The following CAVIN2 variants were observed in gnomAD, a reference collection of about 807,000 sequenced individuals.
The protein encoded by CAVIN2 is caveolae associated protein 2.
In CAVIN2, 13 loss-of-function variants were observed where a neutral mutation model predicts 11.7. The ratio of observed to expected loss-of-function variants is 1.11; its 90% CI spans 0.72 to 1.77. The LOEUF is 1.77. CAVIN2 is among the 40% of genes most tolerant of loss of function. CAVIN2 has a pLI of 0.00. For missense variants in CAVIN2, 549 were observed against 542.9 expected, an observed-to-expected ratio of 1.01 and a Z score of -0.11; for synonymous variants, 237 against 223.2, an observed-to-expected ratio of 1.06 and a Z score of -0.55.
rs760433888 is a variant in CAVIN2, at chr2:191,846,906, T to C, written c.20A>G (p.Gln7Arg). 2 of 1,611,208 alleles carry C rather than the reference T, an allele frequency of 1.2e-6. No homozygotes were observed. The highest frequency in any genetic ancestry group is 1.7e-5 in the Admixed American group (1 of 59,784). MGEDAA[Q>R]AEKFQHPGSD... is the part of the protein sequence containing the mutation. ...CCCAGGGTGCTGGAACTTTTCGGCC[T>C]GTGCAGCGTCCTCTCCCATGGCTAG... Residue 7 changes from glutamine to arginine, a missense_variant, in exon 1 of 2, where the codon CAG becomes CGG. Gln to Arg is a conservative substitution (Grantham distance 43, BLOSUM62 1). Coordinates refer to ENST00000304141, the MANE Select transcript of CAVIN2 (RefSeq NM_004657.6).
chr2:191,837,445 C>G (rs1479187567), intron 1 of CAVIN2, among the ~76,000 whole-genome samples: 2 of 152,158 alleles, frequency 1.3e-5, no homozygotes, highest in Admixed American at 6.5e-5. Context: ...GGAAATTATG[C>G]TGCCAGCCAT....
chr2:191,844,841 G>A (rs948524471), intron 1 of CAVIN2, among the ~76,000 whole-genome samples: 2 of 152,034 alleles, frequency 1.3e-5, no homozygotes, highest in South Asian at 2.1e-4. Flanking sequence ...CAATCCTGAC[G>A]AATTGTGACT....
At chr2:191,842,461 A>G (rs1690107905) in intron 1 of CAVIN2, among the ~76,000 whole-genome samples, 1 of 152,230 alleles carries the variant, frequency 6.6e-6, no homozygotes, top group Non-Finnish European at 1.5e-5. Context: ...AAATTTCCTC[A>G]TAAGTGTAGA....
Position 191,836,352 on chromosome 2 carries a change from G to C in CAVIN2, c.849C>G (p.Ser283=). The C allele has an allele frequency of 1.2e-6, 2 of 1,614,108 alleles. No individual in the cohort carries two copies. The highest frequency in any genetic ancestry group is 1.7e-6 in the Non-Finnish European group (2 of 1,180,042). Residue 283 remains serine (S), a synonymous_variant, in exon 2 of 2, where the codon TCC becomes TCG. Transcript: ENST00000304141. ...KSLTSNHQKI[S]SGKSSPFKVS... ...CCTTGAAGGGGGAGCTTTTTCCTGAGGATATTTTCTGGTGATTTGACGTGA... is the reference window on the plus strand; with the variant it reads ...CCTTGAAGGGGGAGCTTTTTCCTGACGATATTTTCTGGTGATTTGACGTGA...
In CAVIN2 at chr2:191,842,278, G is replaced by A. The variant is rs1690105334; in HGVS notation, c.483+4165C>T. The stretch of plus-strand genomic sequence containing the variant: ...TTTTCACCCAGTTTCCCAATTTTAT[G>A]TGGACGAAAGTGTAAGCTGTCCAAG... On this transcript the variant is annotated intron_variant, in intron 1 of 1. Coordinates refer to ENST00000304141, the MANE Select transcript of CAVIN2 (RefSeq NM_004657.6). 3.3e-5 allele frequency among the ~76,000 whole-genome samples: 5 copies of A among 152,178 alleles called. No individual in the cohort carries two copies. In the South Asian group the frequency reaches 1.0e-3, roughly 31 times the overall value.
At chr2:191,846,264 C>T (rs1690163745) in intron 1 of CAVIN2, among the ~76,000 whole-genome samples, 179 bp downstream of exon 1, 1 of 152,230 alleles carries the variant, frequency 6.6e-6, no homozygotes, top group Non-Finnish European at 1.5e-5. Flanking sequence ...TGGGAAATTC[C>T]CACCCCTGTG....
At chr2:191,843,183 C>G (rs1344578045) in intron 1 of CAVIN2, among the ~76,000 whole-genome samples, 1 of 151,254 alleles carries the variant, frequency 6.6e-6, no homozygotes, top group African/African-American at 2.4e-5. Flanking sequence ...GACTCCGTCT[C>G]AAAGAAAAAA....
At chr2:191,843,933 G>A (rs1050042295) in intron 1 of CAVIN2, among the ~76,000 whole-genome samples, 9 of 152,170 alleles carry the variant, frequency 5.9e-5, no homozygotes, top group African/African-American at 2.2e-4. Flanking sequence ...TTAAACATGA[G>A]TTTGAATCCC....
rs990267231 is a variant in CAVIN2 at position 191,846,721 on chromosome 2, G to C, written c.205C>G (p.Leu69Val). The C allele has an allele frequency of 8.7e-6, 14 of 1,614,070 alleles. No individual in the cohort carries two copies. Among genetic ancestry groups the C allele is most frequent in the Non-Finnish European group, 1.2e-5 (14 of 1,180,040 alleles). Residue 69 changes from leucine (L) to valine (V), a missense_variant, in exon 1 of 2, where the codon CTA (leucine) becomes GTA (valine). Leu to Val is a conservative substitution (Grantham distance 32, BLOSUM62 1). Transcript: ENST00000304141. ...TGCTGGTTCTCCTGCACAGCGTCTAGCATGTTCACCAGCTTGTCCAGGAGC... is the reference window on the plus strand; with the variant it reads ...TGCTGGTTCTCCTGCACAGCGTCTACCATGTTCACCAGCTTGTCCAGGAGC... ...LTLLDKLVNM[L>V]DAVQENQHKM... is the part of the protein sequence containing the mutation.
intron 1 of CAVIN2, among the ~76,000 whole-genome samples, chr2:191,840,846 T>C (rs1235181138): frequency 6.6e-6 from 1 of 152,208 alleles, no homozygotes; most frequent in Admixed American, 6.5e-5. Context: ...TGTCACTAAC[T>C]CATCATTCCT....
intron 1 of CAVIN2, among the ~76,000 whole-genome samples, chr2:191,837,901 A>C (rs1046428700): frequency 5.3e-5 from 8 of 152,218 alleles, no homozygotes; most frequent in Non-Finnish European, 7.3e-5. Context: ...CTTTCAGCAA[A>C]TAACTTAATC....
intron 1 of CAVIN2, among the ~76,000 whole-genome samples, chr2:191,841,030 T>C (rs1690085284): frequency 6.6e-6 from 1 of 152,202 alleles, no homozygotes; most frequent in African/African-American, 2.4e-5. Flanking sequence ...ATAGGTCTCT[T>C]TTACACATTG....
At chr2:191,837,370 A>G (rs1690038862) in intron 1 of CAVIN2, among the ~76,000 whole-genome samples, 1 of 152,168 alleles carries the variant, frequency 6.6e-6, no homozygotes, top group Non-Finnish European at 1.5e-5. Flanking sequence ...CTTCTGGTTT[A>G]GAATATCCTT....
At chr2:191,842,334 A>G (rs766166787) in intron 1 of CAVIN2, among the ~76,000 whole-genome samples, 16 of 152,184 alleles carry the variant, frequency 1.1e-4, no homozygotes, top group Admixed American at 2.0e-4. Context: ...TGGATTTGAA[A>G]TCATCTCCCA....
intron 1 of CAVIN2, among the ~76,000 whole-genome samples, chr2:191,843,877 G>A (rs1309691393): frequency 1.3e-5 from 2 of 152,202 alleles, no homozygotes; most frequent in Non-Finnish European, 2.9e-5. Flanking sequence ...GAGAGAGATA[G>A]GAGGGAAGAA....
intron 1 of CAVIN2, among the ~76,000 whole-genome samples, chr2:191,845,378 A>T (rs1191888025): frequency 6.6e-6 from 1 of 152,198 alleles, no homozygotes; most frequent in Non-Finnish European, 1.5e-5. Flanking sequence ...TGGGAGATGA[A>T]GGCTTTCCCT....
At position 191,836,631 on chromosome 2, in the gene CAVIN2, G is replaced by C. The variant is rs1342803350; in HGVS notation, c.570C>G (p.Asn190Lys). ...TGTGCAGGGTTTCCTCCAGGGATTT[G>C]TTTTCATCCGGAAGCTCCTCCTTCC... is the stretch of plus-strand genomic sequence containing the variant. ...VEGKEELPDENKSLEETLHTV... is the reference protein window; with the variant it reads ...VEGKEELPDEKKSLEETLHTV... Residue 190 changes from asparagine (N) to lysine (K), a missense_variant, in exon 2 of 2, where the codon AAC becomes AAG. By Grantham distance (94) the Asn-to-Lys change is moderately conservative. Coordinates refer to ENST00000304141, the MANE Select transcript of CAVIN2 (RefSeq NM_004657.6). The C allele has an allele frequency of 1.9e-6, 3 of 1,613,890 alleles. No homozygotes were observed. Among genetic ancestry groups the C allele is most frequent in the African/African-American group, 1.3e-5 (1 of 74,876 alleles).
chr2:191,843,865 A>G (rs1690129275), intron 1 of CAVIN2, among the ~76,000 whole-genome samples: 1 of 152,282 alleles, frequency 6.6e-6, no homozygotes, highest in East Asian at 1.9e-4. Context: ...TCCTCACTCT[A>G]TGAGAGAGAT....
chr2:191,842,731 G>A (rs1205600860), intron 1 of CAVIN2, among the ~76,000 whole-genome samples: 1 of 152,174 alleles, frequency 6.6e-6, no homozygotes, highest in Non-Finnish European at 1.5e-5. Context: ...AGAGATGAAT[G>A]TTTCTTCAGT....
Sources: gnomAD v4.1 joint callset for allele counts (sites outside exome capture counted in the v4.1 genomes callset) on GRCh38, gnomAD v4.1.1 for gene constraint, MANE v1.5 for transcripts, NCBI Gene and HGNC (gene_info 2026-07-23, HGNC 2026-07-21) for gene names.